Variants in RNF220 observed in about 807,000 individuals in gnomAD.
RNF220 encodes ring finger protein 220.
In RNF220, 7 loss-of-function variants were observed where a neutral mutation model predicts 67.1. That is an observed-to-expected ratio of 0.10 (90% CI 0.06 to 0.20). The LOEUF (loss-of-function observed/expected upper bound fraction) is 0.20, where lower values mean the gene tolerates loss of function less well. Ranked by LOEUF, RNF220 falls within the 10% of genes least tolerant of loss-of-function variation. The pLI is 1.00. For missense variants in RNF220, 565 were observed against 740.3 expected (o/e 0.76, Z 2.75); for synonymous variants, 270 against 283.2 (o/e 0.95, Z 0.47).
intron 2 of RNF220, among the ~76,000 whole-genome samples, chr1:44,466,864 G>T (rs1442819886): frequency 6.6e-6 from 1 of 152,128 alleles, no homozygotes; most frequent in Non-Finnish European, 1.5e-5. Context: ...AATTTTTAAG[G>T]GCCCTAGGAT....
Position 44,557,622 on chromosome 1 carries a change from C to A in RNF220, c.626-56543C>A, listed in dbSNP as rs1236396738. On this transcript the variant is annotated intron_variant, in intron 2 of 14. Coordinates refer to ENST00000361799, the MANE Select transcript of RNF220 (RefSeq NM_018150.4). ...GATTAAGGGATGTACATGACTGTGTCTCATAAATTTGTCCAAAGATGTTTA... is the reference window on the plus strand; with the variant it reads ...GATTAAGGGATGTACATGACTGTGTATCATAAATTTGTCCAAAGATGTTTA... 1.3e-5 allele frequency among the ~76,000 whole-genome samples: 2 copies of A among 152,166 alleles called. 1 individual carries two copies. The highest frequency in any genetic ancestry group is 2.9e-5 in the Non-Finnish European group (2 of 68,030).
intron 2 of RNF220, among the ~76,000 whole-genome samples, chr1:44,594,674 T>C (rs1666351561): frequency 6.6e-6 from 1 of 152,186 alleles, no homozygotes. Flanking sequence ...AGGAAGGTTA[T>C]CAGAGAGGCT....
chr1:44,530,009 G>A lies in RNF220; in HGVS notation c.626-84156G>A, dbSNP rs150757592. 5.6e-3 allele frequency among the ~76,000 whole-genome samples: 855 copies of A among 151,682 alleles called. 5 individuals are homozygous for A. Among genetic ancestry groups the A allele is most frequent in the Non-Finnish European group, 8.0e-3 (543 of 67,934 alleles). On this transcript the variant is annotated intron_variant, in intron 2 of 14. Transcript: ENST00000361799. ...GTGGAGGTTGCAGTAAGCCAAGATC[G>A]TGCCACTGCACTCCAGCCTGGGTGA...
chr1:44,498,611 G>C (rs574286489), intron 2 of RNF220, among the ~76,000 whole-genome samples: 51 of 152,234 alleles, frequency 3.4e-4, no homozygotes, highest in Admixed American at 1.3e-3. Flanking sequence ...CCGTGGTTGA[G>C]ACCTGCTGCC....
intron 2 of RNF220, among the ~76,000 whole-genome samples, chr1:44,541,534 A>AT (rs1210405670): frequency 1.4e-4 from 21 of 152,250 alleles, no homozygotes; most frequent in Non-Finnish European, 2.4e-4. Context: ...ACCGTACCAC[A>AT]TTGTCTCCTA....
intron 2 of RNF220, among the ~76,000 whole-genome samples, chr1:44,533,994 G>GAGACAGACTCTTGCTCTGTTGCCCAGGC (rs1553239863): frequency 1.3e-5 from 2 of 152,306 alleles, no homozygotes; most frequent in East Asian, 3.9e-4. Flanking sequence ...TATTTTTATT[G>GAGACAGACTCTTGCTCTGTTGCCCAGGC]AGACAGACTC....
At chr1:44,536,522 G>T (rs1298318930) in intron 2 of RNF220, among the ~76,000 whole-genome samples, 1 of 152,210 alleles carries the variant, frequency 6.6e-6, no homozygotes, top group Non-Finnish European at 1.5e-5. Context: ...TGTGTCCCCA[G>T]GGCCCTGGAA....
Position 44,517,834 on chromosome 1 carries a change from C to T in RNF220, c.626-96331C>T, listed in dbSNP as rs570636088. ...TTAAATCCGCCTCTAGGGCCAGGTACGGTGGTCCACACCTGTAATCCCAGC... is the reference window on the plus strand; with the variant it reads ...TTAAATCCGCCTCTAGGGCCAGGTATGGTGGTCCACACCTGTAATCCCAGC... On this transcript the variant is annotated intron_variant, in intron 2 of 14. Coordinates refer to ENST00000361799, the MANE Select transcript of RNF220 (RefSeq NM_018150.4). Among the ~76,000 whole-genome samples the T allele has an allele frequency of 7.2e-5, 11 of 152,366 alleles. No individual in the cohort carries two copies. In the South Asian group the frequency reaches 1.0e-3, roughly 14 times the overall value.
rs919089177 is a variant in RNF220, at chr1:44,645,759, C to T, written c.1445+271C>T. 1.3e-5 allele frequency among the ~76,000 whole-genome samples: 2 copies of T among 152,252 alleles called. No homozygotes were observed. The highest frequency in any genetic ancestry group is 2.9e-5 in the Non-Finnish European group (2 of 68,046). On this transcript the variant is annotated intron_variant, in intron 12 of 14. Coordinates refer to ENST00000361799, the MANE Select transcript of RNF220 (RefSeq NM_018150.4). This position sits in a 1 kb window ranked among gnomAD's most constrained non-coding sequence, Gnocchi z 5.0. ...CCTGCCCGCCTGCTGCGGCGGCCTT[C>T]GCCCGGGGAATGTGATGTATGGCCG...
At chr1:44,544,926 A>G (rs992481351) in intron 2 of RNF220, among the ~76,000 whole-genome samples, 1 of 152,242 alleles carries the variant, frequency 6.6e-6, no homozygotes, top group Admixed American at 6.5e-5. Context: ...ACCACAGGAA[A>G]ATGGTGAGAA....
chr1:44,423,769 C>T (rs1649462264), intron 2 of RNF220: 1 of 907,512 alleles, frequency 1.1e-6, no homozygotes, highest in African/African-American at 1.8e-5. Context: ...CACATAGCAC[C>T]CGGGATTCTT....
At chr1:44,555,074 C>G (rs1370515744) in intron 2 of RNF220, among the ~76,000 whole-genome samples, 1 of 152,110 alleles carries the variant, frequency 6.6e-6, no homozygotes, top group East Asian at 1.9e-4. Flanking sequence ...GCATAGCACT[C>G]AAACTCTTTT....
chr1:44,585,755 C>T (rs275079), intron 2 of RNF220, among the ~76,000 whole-genome samples: 32,635 of 152,028 alleles, frequency 0.21, 4,282 homozygotes, highest in East Asian at 0.59. Flanking sequence ...TGGGCAAGTT[C>T]CTTAACCTCT....
At position 44,456,160 on chromosome 1, in the gene RNF220, T is replaced by C. The variant is rs1027426383; in HGVS notation, c.625+43438T>C. Among the ~76,000 whole-genome samples, 4 of 152,294 alleles carry C rather than the reference T, an allele frequency of 2.6e-5. No homozygotes were observed. The East Asian group carries it at 7.7e-4, about 29-fold the overall frequency. ...TCCAAGCCAAGACAATTACCATTAG[T>C]CTCTGGAGGTGTTTAATTTAAGAGA... On this transcript the variant is annotated intron_variant, in intron 2 of 14. Transcript: ENST00000361799.
chr1:44,645,115 A>G lies in RNF220; in HGVS notation c.1310+34A>G, dbSNP rs750917884. On this transcript the variant is annotated intron_variant, in intron 10 of 14. Transcript: ENST00000361799. This position sits in a 1 kb window ranked among gnomAD's most constrained non-coding sequence, Gnocchi z 5.0. ...GGGCACAGGCTTGGGCGGGTGGAGC[A>G]GAGAAACAGGAAGCCCTGAGGCAGG... 6.2e-7 allele frequency: 1 copy of G among 1,613,650 alleles called. No homozygotes were observed. The highest frequency in any genetic ancestry group is 8.5e-7 in the Non-Finnish European group (1 of 1,179,596).
intron 2 of RNF220, among the ~76,000 whole-genome samples, chr1:44,503,296 T>G (rs936268404): frequency 5.2e-5 from 7 of 133,728 alleles, no homozygotes; most frequent in East Asian, 2.2e-4. Context: ...ATTGCGCTAC[T>G]GCACTCCAGC....
intron 1 of RNF220, among the ~76,000 whole-genome samples, chr1:44,406,375 A>C (rs1647333417): frequency 6.6e-6 from 1 of 152,182 alleles, no homozygotes; most frequent in Non-Finnish European, 1.5e-5. Context: ...GTAGCCCGAC[A>C]CGTGGGATCT....
intron 3 of RNF220, among the ~76,000 whole-genome samples, chr1:44,618,427 A>G (rs774658206): frequency 6.6e-6 from 1 of 152,212 alleles, no homozygotes; most frequent in African/African-American, 2.4e-5. Context: ...TTCCTTTGGC[A>G]AAGTCCTTAC....
At chr1:44,452,201 A>G (rs1010478740) in intron 2 of RNF220, among the ~76,000 whole-genome samples, 2 of 152,084 alleles carry the variant, frequency 1.3e-5, no homozygotes, top group Non-Finnish European at 2.9e-5. Context: ...TTTTTGGTCC[A>G]TTTGTGTGCA....
Sources: allele counts gnomAD v4.1 joint callset (sites outside exome capture counted in the v4.1 genomes callset), GRCh38; gene constraint gnomAD v4.1.1; non-coding constraint Gnocchi (gnomAD v3.1); transcripts MANE v1.5; gene names NCBI Gene and HGNC (gene_info 2026-07-23, HGNC 2026-07-21).